Variants in DNAH9 observed in about 807,000 individuals in gnomAD.
DNAH9 encodes the protein dynein axonemal heavy chain 9.
Under a neutral mutation model 471.6 loss-of-function variants are expected in DNAH9, and 345 were observed. That is an observed-to-expected ratio of 0.73 (90% CI 0.67 to 0.80). DNAH9 has a LOEUF of 0.80. Among genes scored for constraint, DNAH9 ranks in the 30% least tolerant of loss-of-function variants. The probability of loss-of-function intolerance (pLI) is 0.00; values close to 1 mark genes in which losing one functional copy is unlikely to be tolerated. For synonymous variants in DNAH9, 2,093 were observed against 2,123.6 expected, an observed-to-expected ratio of 0.99 and a Z score of 0.40; for missense variants, 5,407 against 5,609.2, an observed-to-expected ratio of 0.96 and a Z score of 1.15.
intron 22 of DNAH9, among the ~76,000 whole-genome samples, chr17:11,698,182 T>TATTAATAATATATTTATTATA (rs369729599): frequency 4.2e-5 from 5 of 120,350 alleles, no homozygotes; most frequent in Non-Finnish European, 7.9e-5. Flanking sequence ...TAATATATTA[T>TATTAATAATATATTTATTATA]TATATTAATA....
chr17:11,739,872 T>C (rs2075406407), intron 29 of DNAH9, among the ~76,000 whole-genome samples: 1 of 152,208 alleles, frequency 6.6e-6, no homozygotes, highest in South Asian at 2.1e-4. Flanking sequence ...CTAAGTGAGA[T>C]AGACTGTGGG....
At chr17:11,738,742 C>A in intron 28 of DNAH9, 138 bp from the exon 29 acceptor site, 2 of 727,368 alleles carry the variant, frequency 2.7e-6, no homozygotes, top group Non-Finnish European at 4.7e-6. Context: ...GGGGTGTGGT[C>A]ATCATGCCTG....
intron 29 of DNAH9, 116 bp downstream of exon 29, chr17:11,739,153 T>G: frequency 9.4e-7 from 1 of 1,063,518 alleles, no homozygotes; most frequent in Non-Finnish European, 1.3e-6. Flanking sequence ...GAAAAGTAGA[T>G]TTGTAACAAC....
intron 24 of DNAH9, among the ~76,000 whole-genome samples, chr17:11,701,508 G>A (rs953137221): frequency 3.9e-5 from 6 of 152,182 alleles, no homozygotes; most frequent in African/African-American, 1.4e-4. Flanking sequence ...AATGTCAACA[G>A]TTCAACTCTT....
rs144523571 is a variant in DNAH9, at chr17:11,854,256, T to G, written c.9761T>G (p.Phe3254Cys). 1.6e-4 allele frequency: 258 copies of G among 1,614,036 alleles called. No homozygotes were observed. The African/African-American group carries it at 3.1e-3, about 19-fold the overall frequency. Residue 3254 changes from phenylalanine (F) to cysteine (C), a missense_variant, in exon 50 of 69, where the codon TTT becomes TGT. Physicochemically the swap from Phe to Cys is radical, Grantham distance 205. Transcript: ENST00000262442. Reference sequence around the variant, plus strand: ...CAAGACCCCGAGTTCAATCCTGAGTTTGTGGCCACCAAATCCTATGCGGCT... The same window carrying G: ...CAAGACCCCGAGTTCAATCCTGAGTGTGTGGCCACCAAATCCTATGCGGCT... ...YLQDPEFNPE[F>C]VATKSYAAAG...
chr17:11,769,153 G>C lies in DNAH9; in HGVS notation c.7376G>C (p.Arg2459Pro), dbSNP rs762156853. 1.9e-6 allele frequency: 3 copies of C among 1,614,180 alleles called. No individual in the cohort carries two copies. The East Asian group carries it at 6.7e-5, about 36-fold the overall frequency. ...TTGGTGCACACGAGTGAGACCATCC[G>C]TGTGTGCTACTTCATGGAGCGGTTG... ...ACLVHTSETI[R>P]VCYFMERLMA... The change falls in exon 38 of 69, where the codon CGT (arginine) becomes CCT (proline). Residue 2459 changes from arginine (R) to proline (P), a missense_variant. By Grantham distance (103) the Arg-to-Pro change is moderately radical. Around this residue, in one of 3 missense-constraint regions of DNAH9, gnomAD observed 4,636 missense variants for 4,900.3 expected, o/e 0.95. Coordinates refer to ENST00000262442, the MANE Select transcript of DNAH9 (RefSeq NM_001372.4).
chr17:11,840,172 A>G (rs1213943685), intron 49 of DNAH9, among the ~76,000 whole-genome samples: 1 of 152,228 alleles, frequency 6.6e-6, no homozygotes. Flanking sequence ...ATAAATGTCC[A>G]TCGACATTAT....
At chr17:11,841,025 A>G (rs1046479708) in intron 49 of DNAH9, among the ~76,000 whole-genome samples, 6 of 152,324 alleles carry the variant, frequency 3.9e-5, no homozygotes, top group African/African-American at 1.2e-4. Flanking sequence ...TTAAAAATAC[A>G]TTCTGCCAAG....
intron 6 of DNAH9, among the ~76,000 whole-genome samples, chr17:11,622,648 A>T (rs2072892198): frequency 6.6e-6 from 1 of 152,166 alleles, no homozygotes; most frequent in Non-Finnish European, 1.5e-5. Flanking sequence ...TAATGATTTG[A>T]CTTTGCATAT....
chr17:11,716,398 G>GT (rs551330199), intron 26 of DNAH9, among the ~76,000 whole-genome samples: 11 of 151,340 alleles, frequency 7.3e-5, no homozygotes, highest in African/African-American at 7.3e-5. Flanking sequence ...TCTTTTTTGC[G>GT]TTTTTTTTCA....
At chr17:11,968,280 TTTACCTTAATTCTG>T (rs1251535126) in intron 68 of DNAH9, among the ~76,000 whole-genome samples, 1 of 152,316 alleles carries the variant, frequency 6.6e-6, no homozygotes, top group African/African-American at 2.4e-5. Context: ...GTCCCCACTG[TTTACCTTAATTCTG>T]TTACTCACCA....
chr17:11,969,297 C>T lies in DNAH9; in HGVS notation c.13234-3C>T, dbSNP rs1186994475. ...GGTGCCTCTTCTCATGTTTTATCCTCAGGCTGGGATCATTACAGAGGCAAA... is the reference window on the plus strand; with the variant it reads ...GGTGCCTCTTCTCATGTTTTATCCTTAGGCTGGGATCATTACAGAGGCAAA... On this transcript the variant is annotated splice_region_variant and splice_polypyrimidine_tract_variant and intron_variant, in intron 68 of 68. Coordinates refer to ENST00000262442, the MANE Select transcript of DNAH9 (RefSeq NM_001372.4). 1 of 1,613,242 alleles carries T rather than the reference C, an allele frequency of 6.2e-7. No homozygotes were observed. The highest frequency in any genetic ancestry group is 8.5e-7 in the Non-Finnish European group (1 of 1,179,622).
intron 50 of DNAH9, 123 bp from the exon 51 acceptor site, chr17:11,869,011 C>T: frequency 8.6e-7 from 1 of 1,161,586 alleles, no homozygotes; most frequent in Non-Finnish European, 1.2e-6. Context: ...TTCCCTGGTC[C>T]CATAGGAATG....
intron 33 of DNAH9, among the ~76,000 whole-genome samples, chr17:11,755,381 G>C (rs1046243498): frequency 6.6e-6 from 1 of 152,094 alleles, no homozygotes; most frequent in Admixed American, 6.6e-5. Flanking sequence ...AATTTAGTAG[G>C]AATGGCATTG....
intron 17 of DNAH9, among the ~76,000 whole-genome samples, chr17:11,670,807 G>A (rs944451277): frequency 2.0e-5 from 3 of 151,820 alleles, no homozygotes; most frequent in Non-Finnish European, 4.4e-5. Context: ...GGGTTCAAGC[G>A]ATTCTCCTAC....
chr17:11,781,839 A>C (rs111878869), intron 39 of DNAH9, among the ~76,000 whole-genome samples: 15,434 of 146,196 alleles, frequency 0.11, 1,237 homozygotes, highest in Non-Finnish European at 0.15. Context: ...CTTAAAAAAA[A>C]AAAACAAACA....
intron 68 of DNAH9, among the ~76,000 whole-genome samples, chr17:11,965,996 T>C (rs1976682227): frequency 6.6e-6 from 1 of 152,044 alleles, no homozygotes; most frequent in South Asian, 2.1e-4. Context: ...ATATGCACAA[T>C]GGTAGTTTAG....
Position 11,936,466 on chromosome 17 carries a change from C to CA in DNAH9, c.12490-880dup, listed in dbSNP as rs1265750327. Reference sequence around the variant, plus strand: ...GCAACATAGTGAGACCTCATCTCTACAAAAAATAGAAATAAAAAATCGGCT... The same window carrying CA: ...GCAACATAGTGAGACCTCATCTCTACAAAAAAATAGAAATAAAAAATCGGCT... On this transcript the variant is annotated intron_variant, in intron 65 of 68. Coordinates refer to ENST00000262442, the MANE Select transcript of DNAH9 (RefSeq NM_001372.4). 2.0e-5 allele frequency among the ~76,000 whole-genome samples: 3 copies of CA among 152,152 alleles called. No individual in the cohort carries two copies. The East Asian group carries it at 5.8e-4, about 29-fold the overall frequency.
rs538540837 is a variant in DNAH9 at position 11,646,729 on chromosome 17, C to T, written c.1971-343C>T. 7.2e-5 allele frequency among the ~76,000 whole-genome samples: 11 copies of T among 152,250 alleles called. No individual in the cohort carries two copies. The East Asian group carries it at 2.1e-3, about 30-fold the overall frequency. ...GGGAGCTCGAGACCAGCCTGAACAACACAGAGAAACCCCATTTCTATTAAA... is the reference window on the plus strand; with the variant it reads ...GGGAGCTCGAGACCAGCCTGAACAATACAGAGAAACCCCATTTCTATTAAA... On this transcript the variant is annotated intron_variant, in intron 11 of 68. Coordinates refer to ENST00000262442, the MANE Select transcript of DNAH9 (RefSeq NM_001372.4).
Sources: allele counts gnomAD v4.1 joint callset (sites outside exome capture counted in the v4.1 genomes callset), GRCh38; gene constraint gnomAD v4.1.1; regional missense constraint gnomAD v4.1.1; transcripts MANE v1.5; gene names NCBI Gene and HGNC (gene_info 2026-07-23, HGNC 2026-07-21).